The following TMEM45A variants were observed in gnomAD, a reference collection of about 807,000 sequenced individuals.
TMEM45A encodes transmembrane protein 45A.
In TMEM45A, 25 loss-of-function variants were observed where a neutral mutation model predicts 32.0. That is an observed-to-expected ratio of 0.78 (90% CI 0.57 to 1.09). TMEM45A has a LOEUF of 1.09. TMEM45A is among the 50% of genes least tolerant of loss of function. The pLI, the probability that TMEM45A is intolerant of heterozygous loss-of-function variation, is 0.00. For missense variants in TMEM45A, 302 were observed against 325.0 expected, an observed-to-expected ratio of 0.93 and a Z score of 0.54; for synonymous variants, 122 against 114.8, an observed-to-expected ratio of 1.06 and a Z score of -0.40.
rs966447808 is a variant in TMEM45A at position 100,568,938 on chromosome 3, C to A, written c.705C>A (p.Ile235=). The A allele has an allele frequency of 1.2e-6, 2 of 1,613,094 alleles. No individual in the cohort carries two copies. The highest frequency in any genetic ancestry group is 8.5e-7 in the Non-Finnish European group (1 of 1,179,518). The change falls in exon 5 of 6, where the codon ATC becomes ATA. Residue 235 remains isoleucine (I), a synonymous_variant. Coordinates refer to ENST00000323523, the MANE Select transcript of TMEM45A (RefSeq NM_018004.3). ...FCWHYAVTIV[I]VGMNYAFITW... is the part of the protein sequence containing the mutation. ...GGCATTATGCAGTAACCATTGTCATCGTTGGAATGAATTATGCTTTCATTA... is the reference window on the plus strand; with the variant it reads ...GGCATTATGCAGTAACCATTGTCATAGTTGGAATGAATTATGCTTTCATTA...
intron 5 of TMEM45A, among the ~76,000 whole-genome samples, chr3:100,569,721 C>T (rs961665676): frequency 6.7e-6 from 1 of 148,232 alleles, no homozygotes; most frequent in Non-Finnish European, 1.5e-5. Context: ...CTTTTCCTCC[C>T]TCTCCTCTTC....
At chr3:100,574,145 T>C (rs1338944522) in intron 5 of TMEM45A, 1 of 152,210 alleles carries the variant, frequency 6.6e-6, no homozygotes, top group Non-Finnish European at 1.5e-5. Flanking sequence ...CCTCTTTTTC[T>C]ATTGATTGGA....
intron 1 of TMEM45A, among the ~76,000 whole-genome samples, chr3:100,502,627 C>A (rs1340526964): frequency 1.3e-5 from 2 of 152,082 alleles, no homozygotes; most frequent in Non-Finnish European, 2.9e-5. Context: ...CCACTGTGCC[C>A]AGCTAACTTA....
chr3:100,498,581 G>A (rs2148924195), intron 1 of TMEM45A, among the ~76,000 whole-genome samples: 1 of 152,142 alleles, frequency 6.6e-6, no homozygotes, highest in South Asian at 2.1e-4. Context: ...ATGTGTGTGT[G>A]TGTTTGTGTG....
intron 1 of TMEM45A, among the ~76,000 whole-genome samples, chr3:100,543,150 G>A (rs1215300505): frequency 6.6e-6 from 1 of 152,084 alleles, no homozygotes; most frequent in Admixed American, 6.5e-5. Context: ...ATTCATTCCT[G>A]TTTGTAAATA....
At chr3:100,549,255 A>AC (rs1553683571) in intron 1 of TMEM45A, among the ~76,000 whole-genome samples, 85 of 148,634 alleles carry the variant, frequency 5.7e-4, no homozygotes, top group Non-Finnish European at 1.0e-3. Flanking sequence ...TCAAAAAAAA[A>AC]CAAAAAAACA....
intron 1 of TMEM45A, among the ~76,000 whole-genome samples, chr3:100,509,923 C>T (rs529327651): frequency 5.3e-5 from 8 of 152,322 alleles, no homozygotes; most frequent in South Asian, 4.1e-4. Context: ...GCTTAAAAAA[C>T]GGCGCACCAG....
intron 1 of TMEM45A, among the ~76,000 whole-genome samples, chr3:100,506,748 A>G (rs538180789): frequency 6.6e-6 from 1 of 152,316 alleles, no homozygotes; most frequent in East Asian, 1.9e-4. Context: ...TGGAGCTAAG[A>G]GTCGTAGGTA....
intron 5 of TMEM45A, among the ~76,000 whole-genome samples, chr3:100,575,079 A>C (rs1706653800): frequency 6.6e-6 from 1 of 152,176 alleles, no homozygotes; most frequent in Non-Finnish European, 1.5e-5. Flanking sequence ...ATGCAGGTAG[A>C]CTGGTGAAAT....
At chr3:100,530,063 A>C (rs1375670240) in intron 1 of TMEM45A, among the ~76,000 whole-genome samples, 4 of 152,186 alleles carry the variant, frequency 2.6e-5, no homozygotes, top group Admixed American at 1.3e-4. Context: ...TCAAGTATAT[A>C]TAAAAATAGA....
At chr3:100,562,242 A>G (rs150218831) in intron 4 of TMEM45A, among the ~76,000 whole-genome samples, 99 of 151,938 alleles carry the variant, frequency 6.5e-4, no homozygotes, top group Non-Finnish European at 1.0e-3. Flanking sequence ...GGAATTTTAT[A>G]TAAGGAAATA....
chr3:100,509,808 A>G (rs187717705), intron 1 of TMEM45A, among the ~76,000 whole-genome samples: 1 of 152,338 alleles, frequency 6.6e-6, no homozygotes, highest in Non-Finnish European at 1.5e-5. Flanking sequence ...TCACTCGGGA[A>G]GTGCAAGGGG....
Position 100,495,466 on chromosome 3 carries a change from G to T in TMEM45A, c.-4+2538G>T, listed in dbSNP as rs531434269. ...TGGGACATTGGGATAATCTGTGGGA[G>T]GTTAGTTGGAGGAAAGTTTGGAAAG... is the stretch of plus-strand genomic sequence containing the variant. On this transcript the variant is annotated intron_variant, in intron 1 of 5. Transcript: ENST00000323523. 1.2e-3 allele frequency among the ~76,000 whole-genome samples: 188 copies of T among 152,304 alleles called. 2 individuals are homozygous for T. Among genetic ancestry groups the T allele is most frequent in the African/African-American group, 4.4e-3 (184 of 41,572 alleles).
intron 2 of TMEM45A, among the ~76,000 whole-genome samples, chr3:100,556,079 G>A (rs946036888): frequency 2.0e-5 from 3 of 152,094 alleles, no homozygotes; most frequent in Non-Finnish European, 2.9e-5. Context: ...CTGCCTCTGG[G>A]GTTCAAGCAG....
At chr3:100,521,218 T>A (rs1251446045) in intron 1 of TMEM45A, among the ~76,000 whole-genome samples, 1 of 151,850 alleles carries the variant, frequency 6.6e-6, no homozygotes, top group Non-Finnish European at 1.5e-5. Context: ...TGTCTGCACC[T>A]CCAGCTGAGA....
chr3:100,558,873 A>C (rs1018139432), intron 4 of TMEM45A, among the ~76,000 whole-genome samples: 2 of 152,254 alleles, frequency 1.3e-5, no homozygotes, highest in Non-Finnish European at 2.9e-5. Flanking sequence ...CTGACACTAA[A>C]GCAGCTTATA....
intron 1 of TMEM45A, among the ~76,000 whole-genome samples, chr3:100,512,000 C>CT (rs1344014386): frequency 2.6e-5 from 4 of 152,016 alleles, no homozygotes; most frequent in Non-Finnish European, 5.9e-5. Flanking sequence ...TACAAAGAGA[C>CT]TTAGACTCCC....
At chr3:100,551,212 G>A (rs952138816) in intron 1 of TMEM45A, among the ~76,000 whole-genome samples, 6 of 151,784 alleles carry the variant, frequency 4.0e-5, no homozygotes, top group African/African-American at 7.3e-5. Context: ...ACGGGGTTTC[G>A]CCGTGTCAGC....
rs540763617 is a variant in TMEM45A, at chr3:100,526,728, C to T, written c.-3-28481C>T. Among the ~76,000 whole-genome samples, 40 of 152,234 alleles carry T rather than the reference C, an allele frequency of 2.6e-4. No individual in the cohort carries two copies. In the South Asian group the frequency reaches 6.2e-3, roughly 24 times the overall value. On this transcript the variant is annotated intron_variant, in intron 1 of 5. Transcript: ENST00000323523. ...AAATTCTAGATTTTCTTTTCTCTTTCGAAATCCATTAGTTTTAGATTGCAA... is the reference window on the plus strand; with the variant it reads ...AAATTCTAGATTTTCTTTTCTCTTTTGAAATCCATTAGTTTTAGATTGCAA...
Sources: allele counts gnomAD v4.1 joint callset (sites outside exome capture counted in the v4.1 genomes callset), GRCh38; gene constraint gnomAD v4.1.1; transcripts MANE v1.5; gene names NCBI Gene and HGNC (gene_info 2026-07-23, HGNC 2026-07-21).